The following OPRM1 variants were observed in gnomAD, a reference collection of about 807,000 sequenced individuals.
OPRM1 encodes opioid receptor mu 1.
A neutral mutation model predicts 31.8 loss-of-function variants in OPRM1; 27 were observed. The ratio of observed to expected loss-of-function variants is 0.85; its 90% CI spans 0.63 to 1.17. The LOEUF (loss-of-function observed/expected upper bound fraction) is 1.17. Among genes scored for constraint, OPRM1 ranks in the 50% most tolerant of loss-of-function variants. The pLI is 0.00. For missense variants in OPRM1, 536 were observed against 511.1 expected, an observed-to-expected ratio of 1.05 and a Z score of -0.47; for synonymous variants, 196 against 189.9, an observed-to-expected ratio of 1.03 and a Z score of -0.26.
intron 3 of OPRM1, among the ~76,000 whole-genome samples, chr6:154,205,487 T>C (rs1777416312): frequency 6.6e-6 from 1 of 152,006 alleles, no homozygotes; most frequent in African/African-American, 2.4e-5. Context: ...CCCAGCTACT[T>C]GGGAGGCTGA....
chr6:154,121,006 A>G lies in OPRM1; in HGVS notation c.*2285A>G, dbSNP rs1797268940. On this transcript the variant is annotated 3_prime_UTR_variant, in exon 4 of 4. Coordinates refer to ENST00000330432, the MANE Select transcript of OPRM1 (RefSeq NM_000914.5). ...GTTTTTCATTCAAAACCATTTTTTA[A>G]CGTAAATTTGCTAGAACCACCTTCC... Among the ~76,000 whole-genome samples, 1 of 152,172 alleles carries G rather than the reference A, an allele frequency of 6.6e-6. No individual in the cohort carries two copies. Among genetic ancestry groups the G allele is most frequent in the Non-Finnish European group, 1.5e-5 (1 of 68,022 alleles).
At chr6:154,203,156 T>C (rs1777208307) in intron 3 of OPRM1, among the ~76,000 whole-genome samples, 2 of 152,132 alleles carry the variant, frequency 1.3e-5, no homozygotes, top group African/African-American at 4.8e-5. Flanking sequence ...CTGTGCAACA[T>C]ACTCATAAAG....
intron 1 of OPRM1, chr6:154,074,432 C>A (rs558245714): frequency 6.6e-6 from 1 of 152,010 alleles, no homozygotes; most frequent in Non-Finnish European, 1.5e-5. Context: ...AGAGAGAAGG[C>A]GAAGAGCATG....
chr6:154,102,476 G>A (rs1193071486), intron 3 of OPRM1, among the ~76,000 whole-genome samples: 1 of 152,046 alleles, frequency 6.6e-6, no homozygotes, highest in Non-Finnish European at 1.5e-5. Flanking sequence ...CCTCAAAACT[G>A]AATTTCATCT....
At position 154,110,386 on chromosome 6, in the gene OPRM1, T is replaced by A. The variant is rs1419884781; in HGVS notation, c.1165-8297T>A. 5 of 1,504,738 alleles carry A rather than the reference T, an allele frequency of 3.3e-6. No homozygotes were observed. The African/African-American group carries it at 6.9e-5, about 21-fold the overall frequency. 93.2% of individuals were successfully genotyped at this position (1,504,738 alleles called of 1,614,324 possible). On this transcript the variant is annotated intron_variant, in intron 3 of 3. Transcript: ENST00000330432. Reference sequence around the variant, plus strand: ...GATTTATTTCAAAAGTCATCTTTACTCAACTGTGAGCATACCAAGGGCTAA... The same window carrying A: ...GATTTATTTCAAAAGTCATCTTTACACAACTGTGAGCATACCAAGGGCTAA...
rs1797886955 is a variant in OPRM1, at chr6:154,131,390, T to G, written c.*12669T>G. 6.6e-6 allele frequency among the ~76,000 whole-genome samples: 1 copy of G among 152,238 alleles called. No individual in the cohort carries two copies. The highest frequency in any genetic ancestry group is 2.4e-5 in the African/African-American group (1 of 41,460). On this transcript the variant is annotated 3_prime_UTR_variant, in exon 4 of 4. Coordinates refer to ENST00000330432, the MANE Select transcript of OPRM1 (RefSeq NM_000914.5). ...ATTGTTCCTTCTTTATTCTATAGCT[T>G]TAAGTCAAACCTAACATAAGCAATC...
intron 1 of OPRM1, among the ~76,000 whole-genome samples, chr6:154,040,068 GC>G (rs2128395194): frequency 6.6e-6 from 1 of 152,224 alleles, no homozygotes; most frequent in African/African-American, 2.4e-5. Flanking sequence ...CAGAGAAGTT[GC>G]TTTGGTAAAA....
intron 1 of OPRM1, among the ~76,000 whole-genome samples, chr6:154,088,074 T>C (rs563044488): frequency 4.7e-5 from 7 of 148,022 alleles, no homozygotes; most frequent in Middle Eastern, 3.5e-3. Flanking sequence ...TTCCCATTAA[T>C]AGGTGAATGG....
chr6:154,076,828 A>G (rs1244731470), intron 1 of OPRM1, among the ~76,000 whole-genome samples: 2 of 152,072 alleles, frequency 1.3e-5, no homozygotes, highest in Non-Finnish European at 2.9e-5. Context: ...CTTCTCTATC[A>G]TTTCCTTTCA....
At chr6:154,156,938 A>G (rs1798741174) in intron 3 of OPRM1, 2 of 152,264 alleles carry the variant, frequency 1.3e-5, no homozygotes, top group African/African-American at 4.8e-5. Context: ...ATTTGGATCT[A>G]CGTGTGCTGA....
intron 3 of OPRM1, 156 bp downstream of exon 3, chr6:154,091,628 T>C: frequency 7.0e-7 from 1 of 1,426,138 alleles, no homozygotes; most frequent in Non-Finnish European, 9.1e-7. Context: ...AGGTTTGTTA[T>C]ATAAACTGTG....
chr6:154,140,925 A>G lies in OPRM1; in HGVS notation c.1164+49453A>G, dbSNP rs149035730. ...ATTTGAGGCCAGCACTAGATGCTGT[A>G]GAAGCCAGACTGAATGAATGACTCA... On this transcript the variant is annotated intron_variant, in intron 3 of 3. Transcript: ENST00000337049. Among the ~76,000 whole-genome samples, 313 of 152,340 alleles carry G rather than the reference A, an allele frequency of 2.1e-3. 1 individual carries two copies. Among genetic ancestry groups the G allele is most frequent in the South Asian group, 6.4e-3 (31 of 4,826 alleles).
At chr6:154,244,141 G>C (rs941700445) in intron 3 of OPRM1, among the ~76,000 whole-genome samples, 4 of 152,218 alleles carry the variant, frequency 2.6e-5, no homozygotes, top group Non-Finnish European at 5.9e-5. Context: ...GTGGCAGGAA[G>C]TAAATAAAGC....
Position 154,183,490 on chromosome 6 carries a change from C to A in OPRM1, c.1165-63203C>A, listed in dbSNP as rs12198177. Among the ~76,000 whole-genome samples, 649 of 152,056 alleles carry A rather than the reference C, an allele frequency of 4.3e-3. 5 individuals carry two copies. Among genetic ancestry groups the A allele is most frequent in the Non-Finnish European group, 4.8e-3 (329 of 67,982 alleles). On this transcript the variant is annotated intron_variant, in intron 3 of 3. Transcript: ENST00000337049. ...CCAAAAATTATATTCTAAATAAAAC[C>A]TGAAAATTAAATTCACAAGATTACC...
At chr6:154,196,111 A>G (rs1225696048) in intron 3 of OPRM1, among the ~76,000 whole-genome samples, 1 of 152,102 alleles carries the variant, frequency 6.6e-6, no homozygotes, top group Non-Finnish European at 1.5e-5. Context: ...CATTTTATTC[A>G]CTTTAGCACA....
At chr6:154,205,006 T>C (rs1014489429) in intron 3 of OPRM1, among the ~76,000 whole-genome samples, 4 of 152,108 alleles carry the variant, frequency 2.6e-5, no homozygotes, top group Non-Finnish European at 4.4e-5. Flanking sequence ...CCTGTGGATG[T>C]TGGGTGGACG....
At chr6:154,215,782 A>G (rs1049120166) in intron 3 of OPRM1, among the ~76,000 whole-genome samples, 4 of 152,180 alleles carry the variant, frequency 2.6e-5, no homozygotes, top group African/African-American at 9.7e-5. Flanking sequence ...CAGGAACCCA[A>G]AAATGTATAT....
chr6:154,052,623 C>A (rs1782434475), intron 1 of OPRM1, among the ~76,000 whole-genome samples: 1 of 152,178 alleles, frequency 6.6e-6, no homozygotes, highest in Non-Finnish European at 1.5e-5. Context: ...AAGTGGTAGG[C>A]TGGGTTCTGC....
chr6:154,089,968 G>C lies in OPRM1; in HGVS notation c.433G>C (p.Val145Leu), dbSNP rs1791661739. 6.2e-7 allele frequency: 1 copy of C among 1,614,096 alleles called. No homozygotes were observed. The highest frequency in any genetic ancestry group is 8.5e-7 in the Non-Finnish European group (1 of 1,179,966). ...ATTTGGAACCATCCTTTGCAAGATA[G>C]TGATCTCCATAGATTACTATAACAT... ...WPFGTILCKI[V>L]ISIDYYNMFT... The change falls in exon 2 of 4, where the codon GTG becomes CTG. Residue 145 changes from valine (V) to leucine (L), a missense_variant. Val to Leu is a conservative substitution (Grantham distance 32). Transcript: ENST00000330432.
Sources: gnomAD v4.1 joint callset for allele counts (sites outside exome capture counted in the v4.1 genomes callset) on GRCh38, gnomAD v4.1.1 for gene constraint, MANE v1.5 for transcripts, NCBI Gene and HGNC (gene_info 2026-07-23, HGNC 2026-07-21) for gene names.